The following NSUN6 variants were observed in gnomAD, a reference collection of about 807,000 sequenced individuals.
The protein encoded by NSUN6 is NOP2/Sun RNA methyltransferase 6.
A neutral mutation model predicts 58.0 loss-of-function variants in NSUN6; 64 were observed. That is an observed-to-expected ratio of 1.10 (90% CI 0.90 to 1.36). The LOEUF (loss-of-function observed/expected upper bound fraction) is 1.36, where lower values mean the gene tolerates loss of function less well. Among genes scored for constraint, NSUN6 ranks in the 40% most tolerant of loss-of-function variants. The pLI is 0.00. For synonymous variants in NSUN6, 231 were observed against 193.9 expected (o/e 1.19, Z -1.59); for missense variants, 701 against 550.1 (o/e 1.27, Z -2.74).
intron 4 of NSUN6, among the ~76,000 whole-genome samples, chr10:18,614,991 T>C (rs1470869906): frequency 6.6e-6 from 1 of 152,056 alleles, no homozygotes; most frequent in Non-Finnish European, 1.5e-5. Flanking sequence ...TTCAAAAATG[T>C]ACCCTAAAAT....
Position 18,651,524 on chromosome 10 carries a change from G to C in NSUN6, c.-321C>G. ...AAAAATGCTTAGTAACTGAATCCGT[G>C]GTGAAACGGACGCAGATCAGTAAGC... On this transcript the variant is annotated 5_prime_UTR_variant, in exon 1 of 11. Coordinates refer to ENST00000377304, the MANE Select transcript of NSUN6 (RefSeq NM_182543.5). 9.7e-7 allele frequency: 1 copy of C among 1,027,604 alleles called. No individual in the cohort carries two copies. The highest frequency in any genetic ancestry group is 1.2e-6 in the Non-Finnish European group (1 of 857,966). The allele number at this position is 1,027,604 out of a possible 1,614,324, so 63.7% of individuals were successfully genotyped here.
chr10:18,619,070 G>A (rs1373783093), intron 3 of NSUN6, among the ~76,000 whole-genome samples: 1 of 152,134 alleles, frequency 6.6e-6, no homozygotes, highest in Non-Finnish European at 1.5e-5. Flanking sequence ...TAAAAGTTCT[G>A]AGGGAAATCC....
chr10:18,592,652 C>A (rs1038633488), intron 7 of NSUN6, among the ~76,000 whole-genome samples: 6 of 152,154 alleles, frequency 3.9e-5, no homozygotes, highest in East Asian at 1.9e-4. Flanking sequence ...GCTGGGAAAA[C>A]TGGCTGTCCA....
chr10:18,621,213 G>C (rs981193575), intron 3 of NSUN6, among the ~76,000 whole-genome samples: 1 of 152,222 alleles, frequency 6.6e-6, no homozygotes, highest in Admixed American at 6.5e-5. Context: ...TAGGAATCCT[G>C]GCAGTGAGTC....
rs138358329 is a variant in NSUN6, at chr10:18,640,943, C to G, written c.311+1533G>C. ...CCCAATCTAATTTCCTCAGAGTTAACCACTATTAAAAGGTGGGTATGTTAC... is the reference window on the plus strand; with the variant it reads ...CCCAATCTAATTTCCTCAGAGTTAAGCACTATTAAAAGGTGGGTATGTTAC... On this transcript the variant is annotated intron_variant, in intron 3 of 10. Transcript: ENST00000377304. Among the ~76,000 whole-genome samples the G allele has an allele frequency of 1.1e-3, 163 of 151,530 alleles. 8 individuals are homozygous for G. The East Asian group carries it at 0.024, about 22-fold the overall frequency.
At chr10:18,642,864 G>A (rs1390263134) in intron 2 of NSUN6, among the ~76,000 whole-genome samples, 1 of 152,124 alleles carries the variant, frequency 6.6e-6, no homozygotes, top group Non-Finnish European at 1.5e-5. Flanking sequence ...AGAATTACAT[G>A]TAGTATTCCT....
chr10:18,608,688 C>T (rs1260120062), intron 6 of NSUN6, among the ~76,000 whole-genome samples: 1 of 149,490 alleles, frequency 6.7e-6, no homozygotes, highest in African/African-American at 2.5e-5. Flanking sequence ...CAGGTACTGT[C>T]AAACCAAAGA....
chr10:18,597,699 G>C (rs946897017), intron 6 of NSUN6, among the ~76,000 whole-genome samples: 1 of 152,168 alleles, frequency 6.6e-6, no homozygotes, highest in African/African-American at 2.4e-5. Context: ...CCAGGAGGTG[G>C]AGTTTGCAGT....
At chr10:18,644,102 C>T (rs1460570456) in intron 2 of NSUN6, among the ~76,000 whole-genome samples, 2 of 152,154 alleles carry the variant, frequency 1.3e-5, no homozygotes, top group Non-Finnish European at 2.9e-5. Flanking sequence ...AAGAACTGTA[C>T]TCCAGTTTTA....
intron 3 of NSUN6, among the ~76,000 whole-genome samples, chr10:18,630,788 T>G (rs186726161): frequency 7.6e-4 from 116 of 152,148 alleles, no homozygotes; most frequent in African/African-American, 2.8e-3. Flanking sequence ...AAGAGTCCAG[T>G]ACCAGATGGA....
chr10:18,654,138 C>G (rs2059752000), upstream of NSUN6, among the ~76,000 whole-genome samples: 1 of 152,146 alleles, frequency 6.6e-6, no homozygotes, highest in Non-Finnish European at 1.5e-5. Context: ...CTCTGTCGCC[C>G]AGGCTGGAGT....
intron 4 of NSUN6, 86 bp downstream of exon 4, chr10:18,616,098 C>A: frequency 1.2e-6 from 1 of 817,078 alleles, no homozygotes; most frequent in South Asian, 1.6e-5. Context: ...TGGAATATAT[C>A]TTAGTGACAA....
intron 3 of NSUN6, among the ~76,000 whole-genome samples, chr10:18,620,128 C>A (rs1256510076): frequency 6.6e-6 from 1 of 151,192 alleles, no homozygotes; most frequent in Non-Finnish European, 1.5e-5. Flanking sequence ...AGCTCTGTCT[C>A]CCAGGCTGGA....
chr10:18,649,001 T>C (rs1274995210), intron 1 of NSUN6, among the ~76,000 whole-genome samples: 1 of 152,228 alleles, frequency 6.6e-6, no homozygotes, highest in Admixed American at 6.5e-5. Flanking sequence ...AGCATCTCTG[T>C]AGAGCTAGCA....
chr10:18,575,019 C>T (rs1259513800), intron 8 of NSUN6, among the ~76,000 whole-genome samples: 1 of 151,792 alleles, frequency 6.6e-6, no homozygotes, highest in African/African-American at 2.4e-5. Context: ...ATTTTCTCTT[C>T]CATCAAAAAG....
At chr10:18,605,614 G>A (rs746430180) in intron 6 of NSUN6, among the ~76,000 whole-genome samples, 34 of 152,206 alleles carry the variant, frequency 2.2e-4, no homozygotes, top group Non-Finnish European at 4.6e-4. Context: ...GTGTTGTGGT[G>A]AAATCAGTTG....
At chr10:18,627,558 C>T (rs1197748094) in intron 3 of NSUN6, among the ~76,000 whole-genome samples, 2 of 152,180 alleles carry the variant, frequency 1.3e-5, no homozygotes, top group East Asian at 1.9e-4. Flanking sequence ...GTGCGCGCAC[C>T]GTGCCCGAGC....
At chr10:18,556,899 A>G (rs2133468134) in intron 8 of NSUN6, among the ~76,000 whole-genome samples, 1 of 150,728 alleles carries the variant, frequency 6.6e-6, no homozygotes, top group East Asian at 2.0e-4. Context: ...AATGGAATGG[A>G]AAATGGAATG....
chr10:18,618,862 T>G (rs935596937), intron 3 of NSUN6, among the ~76,000 whole-genome samples: 1 of 152,140 alleles, frequency 6.6e-6, no homozygotes, highest in Admixed American at 6.6e-5. Flanking sequence ...GTTTTTAATT[T>G]TAATGATAAT....
Sources: gnomAD v4.1 joint callset for allele counts (sites outside exome capture counted in the v4.1 genomes callset) on GRCh38, gnomAD v4.1.1 for gene constraint, MANE v1.5 for transcripts, NCBI Gene and HGNC (gene_info 2026-07-23, HGNC 2026-07-21) for gene names.